Variants in CDKN2B-AS1 observed in about 807,000 individuals in gnomAD.
CDKN2B-AS1 encodes CDKN2B antisense RNA 1 (non-protein coding).
At chr9:22,091,946 A>G (rs1825104518) in intron 4 of CDKN2B-AS1, among the ~76,000 whole-genome samples, 1 of 152,134 alleles carries the variant, frequency 6.6e-6, no homozygotes, top group African/African-American at 2.4e-5. Context: ...TCAGTATGAT[A>G]TTGGCTGTGG....
At chr9:22,089,461 A>T (rs1360607281) in intron 4 of CDKN2B-AS1, among the ~76,000 whole-genome samples, 1 of 152,012 alleles carries the variant, frequency 6.6e-6, no homozygotes, top group Non-Finnish European at 1.5e-5. Flanking sequence ...AAAGGGTCTC[A>T]CTCTGTCACC....
At chr9:22,022,177 G>C (rs561417493) in intron 1 of CDKN2B-AS1, among the ~76,000 whole-genome samples, 1 of 151,562 alleles carries the variant, frequency 6.6e-6, no homozygotes, top group Non-Finnish European at 1.5e-5. Flanking sequence ...AGGTTCATTT[G>C]ATCCAGTGTT....
At chr9:22,053,137 C>T (rs1433312116) in intron 3 of CDKN2B-AS1, among the ~76,000 whole-genome samples, 1 of 152,156 alleles carries the variant, frequency 6.6e-6, no homozygotes, top group Admixed American at 6.5e-5. Context: ...TCTGAAAGTG[C>T]AGGAAGTAGG....
chr9:22,105,598 G>A (rs1373401889), intron 4 of CDKN2B-AS1, among the ~76,000 whole-genome samples: 2 of 152,142 alleles, frequency 1.3e-5, no homozygotes, highest in African/African-American at 4.8e-5. Flanking sequence ...AGAGACTCAG[G>A]CAGATGCTAT....
intron 1 of CDKN2B-AS1, among the ~76,000 whole-genome samples, chr9:22,016,955 C>G (rs774494235): frequency 5.9e-5 from 9 of 152,180 alleles, no homozygotes; most frequent in Non-Finnish European, 1.3e-4. Flanking sequence ...CAGTGGGAGC[C>G]TCTGCAAATT....
intron 1 of CDKN2B-AS1, among the ~76,000 whole-genome samples, chr9:22,045,038 T>TGTGTGTGTGTGTGTGTGTG (rs58026190): frequency 7.0e-6 from 1 of 141,854 alleles, no homozygotes; most frequent in African/African-American, 2.7e-5. Flanking sequence ...TATTATTTAT[T>TGTGTGTGTGTGTGTGTGTG]TGTGTGTGTG....
rs1820703753 is a variant in CDKN2B-AS1, at chr9:21,996,651, G to GACCC, written n.29+1490_29+1491insACCC. ...TTTATGGGTCTTCCTCTGCACCTATGCCACGCCCCCAGCATTCCCCTCCTA... is the reference window on the plus strand; with the variant it reads ...TTTATGGGTCTTCCTCTGCACCTATGACCCCCACGCCCCCAGCATTCCCCTCCTA... On this transcript the variant is annotated intron_variant and non_coding_transcript_variant, in intron 1 of 4. Transcript: ENST00000650946. The surrounding 1 kb of genome is among the most constrained non-coding windows in gnomAD (Gnocchi z 5.4). Among the ~76,000 whole-genome samples, 1 of 151,918 alleles carries GACCC rather than the reference G, an allele frequency of 6.6e-6. No homozygotes were observed. Among genetic ancestry groups the GACCC allele is most frequent in the Admixed American group, 6.6e-5 (1 of 15,260 alleles).
At position 22,123,835 on chromosome 9, in the gene CDKN2B-AS1, T is replaced by C. The variant is rs72655403; in HGVS notation, n.439-3268T>C. 5.7e-4 allele frequency among the ~76,000 whole-genome samples: 87 copies of C among 152,288 alleles called. 1 individual carries two copies. Among genetic ancestry groups the C allele is most frequent in the Non-Finnish European group, 1.1e-3 (74 of 68,008 alleles). Reference sequence around the variant, plus strand: ...AACAAATGGAGAAGACATTCTAAAATCAACTACAATGAGCGTAAACAATGA... The same window carrying C: ...AACAAATGGAGAAGACATTCTAAAACCAACTACAATGAGCGTAAACAATGA... On this transcript the variant is annotated intron_variant and non_coding_transcript_variant, in intron 4 of 4. Coordinates refer to ENST00000650946, the Ensembl canonical transcript of CDKN2B-AS1.
At chr9:22,031,960 C>T (rs1417658317) in intron 1 of CDKN2B-AS1, among the ~76,000 whole-genome samples, 1 of 152,212 alleles carries the variant, frequency 6.6e-6, no homozygotes, top group Non-Finnish European at 1.5e-5. Flanking sequence ...CAGATGCCCT[C>T]AGTTCAATAT....
At chr9:22,047,635 T>C (rs1049967785) in intron 2 of CDKN2B-AS1, among the ~76,000 whole-genome samples, 7 of 152,214 alleles carry the variant, frequency 4.6e-5, no homozygotes, top group African/African-American at 1.7e-4. Flanking sequence ...TGTCATTTTA[T>C]GAAGATGTTA....
chr9:22,071,149 C>A (rs1179223662), intron 4 of CDKN2B-AS1, among the ~76,000 whole-genome samples: 1 of 150,550 alleles, frequency 6.6e-6, no homozygotes, highest in Non-Finnish European at 1.5e-5. Context: ...TTAGGAGATA[C>A]ATCTGGCCTC....
intron 1 of CDKN2B-AS1, among the ~76,000 whole-genome samples, chr9:22,040,466 T>C (rs570380835): frequency 6.6e-6 from 1 of 151,950 alleles, no homozygotes; most frequent in Non-Finnish European, 1.5e-5. Flanking sequence ...ATAGTGGAGA[T>C]GTGGGTGGTG....
chr9:22,030,477 G>C (rs1322958471), intron 1 of CDKN2B-AS1: 1 of 152,046 alleles, frequency 6.6e-6, no homozygotes, highest in Non-Finnish European at 1.5e-5. Context: ...CCCTGGTGTT[G>C]AAAAATTTTC....
At chr9:22,012,536 T>G (rs1821557438) in intron 1 of CDKN2B-AS1, 2 of 607,390 alleles carry the variant, frequency 3.3e-6, no homozygotes, top group Admixed American at 1.9e-5. Context: ...GAAGGTCAAA[T>G]AAGGCTCTTC....
intron 1 of CDKN2B-AS1, among the ~76,000 whole-genome samples, chr9:22,013,987 A>T (rs1039258034): frequency 6.6e-6 from 1 of 152,138 alleles, no homozygotes; most frequent in Non-Finnish European, 1.5e-5. Context: ...GTATTTAATA[A>T]GTGGGATTAC....
At chr9:22,056,299 AC>A (rs1442722093) in exon 4 of CDKN2B-AS1, 1 of 148,094 alleles carries the variant, frequency 6.8e-6, no homozygotes, top group Non-Finnish European at 1.5e-5. Flanking sequence ...TGAACTCTCG[AC>A]CTCGTGATTC....
chr9:22,096,647 T>C (rs1825286438), intron 4 of CDKN2B-AS1: 1 of 152,308 alleles, frequency 6.6e-6, no homozygotes, highest in African/African-American at 2.4e-5. Flanking sequence ...ACCTTTGTTA[T>C]TTGTCTCTGG....
chr9:22,097,934 A>G lies in CDKN2B-AS1; in HGVS notation n.439-29169A>G, dbSNP rs568047686. Among the ~76,000 whole-genome samples, 4 of 152,260 alleles carry G rather than the reference A, an allele frequency of 2.6e-5. No individual in the cohort carries two copies. In the East Asian group the frequency reaches 5.8e-4, roughly 22 times the overall value. On this transcript the variant is annotated intron_variant and non_coding_transcript_variant, in intron 4 of 4. Transcript: ENST00000650946. ...TTTCTTTGTGGTTCCCTTTAGAAAG[A>G]CTTGAGGCTATGAGTCAAAGCTTTT...
rs535424882 is a variant in CDKN2B-AS1, at chr9:22,018,362, T to C, written n.29+23201T>C. ...TGAAGCCATACTTACATATTACTGATAACATATGCCATGGGCCGCGCATGG... is the reference window on the plus strand; with the variant it reads ...TGAAGCCATACTTACATATTACTGACAACATATGCCATGGGCCGCGCATGG... On this transcript the variant is annotated intron_variant and non_coding_transcript_variant, in intron 1 of 4. Transcript: ENST00000650946. Among the ~76,000 whole-genome samples, 29 of 145,690 alleles carry C rather than the reference T, an allele frequency of 2.0e-4. 1 individual carries two copies. The highest frequency in any genetic ancestry group is 4.9e-4 in the Admixed American group (7 of 14,268).
Sources: allele counts gnomAD v4.1 joint callset (sites outside exome capture counted in the v4.1 genomes callset), GRCh38; gene constraint gnomAD v4.1.1; non-coding constraint Gnocchi (gnomAD v3.1); transcripts MANE v1.5; gene names NCBI Gene and HGNC (gene_info 2026-07-23, HGNC 2026-07-21).